The following GPC5 variants were observed in gnomAD, a reference collection of about 807,000 sequenced individuals.
GPC5 encodes glypican-5.
GPC5 carries 47 observed loss-of-function variants against 53.9 expected under a neutral mutation model. The observed-to-expected ratio is 0.87, with a 90% CI of 0.69 to 1.11. The LOEUF (loss-of-function observed/expected upper bound fraction) is 1.11. GPC5 is among the 50% of genes most tolerant of loss of function. The pLI is 0.00. For synonymous variants in GPC5, 286 were observed against 263.3 expected (o/e 1.09, Z -0.84); for missense variants, 748 against 713.1 (o/e 1.05, Z -0.56).
intron 2 of GPC5, among the ~76,000 whole-genome samples, chr13:91,604,500 C>T (rs1406444164): frequency 6.8e-6 from 1 of 147,842 alleles, no homozygotes; most frequent in Non-Finnish European, 1.5e-5. Context: ...ATGGTTTTTC[C>T]AGTTCTAGAT....
intron 6 of GPC5, among the ~76,000 whole-genome samples, chr13:92,089,177 G>A (rs569235434): frequency 5.2e-4 from 79 of 152,326 alleles, no homozygotes; most frequent in African/African-American, 1.9e-3. Flanking sequence ...GCTCAAGCCT[G>A]TAATCCCAGC....
At chr13:92,593,566 G>A (rs994119017) in intron 7 of GPC5, among the ~76,000 whole-genome samples, 1 of 151,116 alleles carries the variant, frequency 6.6e-6, no homozygotes, top group African/African-American at 2.4e-5. Context: ...AGCAGAGATA[G>A]CATTCAGCAT....
At chr13:91,742,967 CCTT>C (rs2036968129) in intron 4 of GPC5, among the ~76,000 whole-genome samples, 1 of 152,046 alleles carries the variant, frequency 6.6e-6, no homozygotes, top group East Asian at 1.9e-4. Context: ...CATCCAAAAA[CCTT>C]CTGTTTCTAT....
chr13:91,907,491 C>T (rs2039565904), intron 5 of GPC5, among the ~76,000 whole-genome samples: 1 of 88,034 alleles, frequency 1.1e-5, no homozygotes, highest in Non-Finnish European at 2.1e-5. Context: ...TACTCTCTCT[C>T]TCTCTCTCTC....
At chr13:91,764,611 A>G (rs1456232091) in intron 5 of GPC5, among the ~76,000 whole-genome samples, 1 of 152,108 alleles carries the variant, frequency 6.6e-6, no homozygotes, top group South Asian at 2.1e-4. Context: ...TAATAATCAA[A>G]CGTGTGAAAT....
At chr13:92,270,545 T>G (rs2042833040) in intron 7 of GPC5, among the ~76,000 whole-genome samples, 1 of 152,196 alleles carries the variant, frequency 6.6e-6, no homozygotes, top group South Asian at 2.1e-4. Flanking sequence ...CGTGAGCCAG[T>G]TAAACCTCTT....
chr13:91,509,083 T>G (rs1442653200), intron 2 of GPC5, among the ~76,000 whole-genome samples: 1 of 152,152 alleles, frequency 6.6e-6, no homozygotes, highest in African/African-American at 2.4e-5. Context: ...GGAATACCAG[T>G]TCACAGTTGA....
At chr13:92,463,665 G>C (rs1302507517) in intron 7 of GPC5, among the ~76,000 whole-genome samples, 1 of 151,880 alleles carries the variant, frequency 6.6e-6, no homozygotes, top group African/African-American at 2.4e-5. Flanking sequence ...ATTCTTCCTT[G>C]TAACATAGAT....
At chr13:91,431,315 GTTTA>G (rs1404536092) in intron 1 of GPC5, among the ~76,000 whole-genome samples, 1 of 152,114 alleles carries the variant, frequency 6.6e-6, no homozygotes, top group African/African-American at 2.4e-5. Flanking sequence ...TCTACATCTG[GTTTA>G]TTTGACTGGA....
chr13:92,643,016 TG>T (rs1287004252), intron 7 of GPC5, among the ~76,000 whole-genome samples: 1 of 152,230 alleles, frequency 6.6e-6, no homozygotes, highest in Non-Finnish European at 1.5e-5. Flanking sequence ...GCTGCATAAA[TG>T]TCTTCTTTTG....
chr13:92,414,776 G>T (rs973617778), intron 7 of GPC5, among the ~76,000 whole-genome samples: 2 of 152,146 alleles, frequency 1.3e-5, no homozygotes, highest in Non-Finnish European at 2.9e-5. Context: ...TGATTGTCTA[G>T]TGAGGGCCCA....
chr13:91,441,851 C>A (rs1880458240), intron 1 of GPC5, among the ~76,000 whole-genome samples: 1 of 152,082 alleles, frequency 6.6e-6, no homozygotes, highest in Admixed American at 6.6e-5. Flanking sequence ...ATTTCAAGGC[C>A]CTGTTTTCAT....
intron 7 of GPC5, among the ~76,000 whole-genome samples, chr13:92,350,069 A>C (rs975716431): frequency 6.6e-6 from 1 of 152,216 alleles, no homozygotes; most frequent in African/African-American, 2.4e-5. Flanking sequence ...AGACACAGGA[A>C]GCTTCAACAT....
chr13:91,953,649 T>C (rs1231508732), intron 6 of GPC5, among the ~76,000 whole-genome samples: 4 of 152,146 alleles, frequency 2.6e-5, no homozygotes, highest in African/African-American at 7.2e-5. Context: ...ATAAACAAAA[T>C]AACTTAATTT....
chr13:92,187,151 C>T (rs1330524973), intron 7 of GPC5, among the ~76,000 whole-genome samples: 2 of 151,968 alleles, frequency 1.3e-5, no homozygotes, highest in African/African-American at 4.8e-5. Flanking sequence ...GTTCACTCAG[C>T]ATGTATGAAA....
chr13:92,435,163 C>T (rs780887776), intron 7 of GPC5, among the ~76,000 whole-genome samples: 1 of 152,172 alleles, frequency 6.6e-6, no homozygotes, highest in African/African-American at 2.4e-5. Flanking sequence ...AATCTGCCCA[C>T]CTTGGCGTCC....
At chr13:92,286,767 G>C (rs796247789) in intron 7 of GPC5, among the ~76,000 whole-genome samples, 13 of 151,788 alleles carry the variant, frequency 8.6e-5, no homozygotes, top group African/African-American at 2.9e-4. Context: ...GATAGCAGTA[G>C]GAGAGATACC....
chr13:91,978,662 C>G (rs555666349), intron 6 of GPC5, among the ~76,000 whole-genome samples: 1 of 152,156 alleles, frequency 6.6e-6, no homozygotes, highest in Non-Finnish European at 1.5e-5. Flanking sequence ...GACAGTTCAA[C>G]CACAGCCAGT....
chr13:92,404,774 C>T (rs1875720623), intron 7 of GPC5, among the ~76,000 whole-genome samples: 1 of 149,648 alleles, frequency 6.7e-6, no homozygotes, highest in South Asian at 2.1e-4. Flanking sequence ...ACCAACGTTT[C>T]CCCGAGATAG....
Sources: gnomAD v4.1 joint callset for allele counts (sites outside exome capture counted in the v4.1 genomes callset) on GRCh38, gnomAD v4.1.1 for gene constraint, MANE v1.5 for transcripts, NCBI Gene and HGNC (gene_info 2026-07-23, HGNC 2026-07-21) for gene names.